The following DGKZ variants were observed in gnomAD, a reference collection of about 807,000 sequenced individuals.
The protein encoded by DGKZ is diacylglycerol kinase zeta.
A neutral mutation model predicts 142.5 loss-of-function variants in DGKZ; 45 were observed. The ratio of observed to expected loss-of-function variants is 0.32; its 90% CI spans 0.25 to 0.40. The LOEUF is 0.40. Among genes scored for constraint, DGKZ ranks in the 10% least tolerant of loss-of-function variants. The probability of loss-of-function intolerance (pLI) is 1.00; values close to 1 mark genes in which losing one functional copy is unlikely to be tolerated. For synonymous variants in DGKZ, 442 were observed against 527.0 expected (o/e 0.84, Z 2.21); for missense variants, 755 against 1,306.5 (o/e 0.58, Z 6.51).
chr11:46,345,510 C>T (rs546896437), upstream of DGKZ: 26 of 1,518,264 alleles, frequency 1.7e-5, no homozygotes, highest in South Asian at 1.7e-4. The surrounding 1 kb of genome is among the most constrained non-coding windows in gnomAD (Gnocchi z 4.1). Context: ...GGGGAGCGGC[C>T]GGGGTCACTG....
intron 1 of DGKZ, among the ~76,000 whole-genome samples, chr11:46,349,334 C>T (rs977617630): frequency 3.3e-5 from 5 of 152,278 alleles, no homozygotes; most frequent in South Asian, 4.1e-4. Flanking sequence ...TCACAGGCTC[C>T]GCAGGGGGAG....
At chr11:46,378,343 A>G in intron 26 of DGKZ, 114 bp downstream of exon 26, 1 of 1,539,670 alleles carries the variant, frequency 6.5e-7, no homozygotes, top group Non-Finnish European at 8.8e-7. Context: ...TTTGAGCTTC[A>G]CGCACCAACG....
intron 21 of DGKZ, 47 bp from the exon 22 acceptor site, chr11:46,376,019 A>G (rs1447980703): frequency 1.2e-6 from 2 of 1,611,716 alleles, no homozygotes; most frequent in African/African-American, 2.7e-5. Flanking sequence ...CCCCTTGGGC[A>G]GGGCTGTGGG....
rs1943396031 is a variant in DGKZ at position 46,367,085 on chromosome 11, G to C, written c.162-206G>C. 1 of 1,405,728 alleles carries C rather than the reference G, an allele frequency of 7.1e-7. No homozygotes were observed. The highest frequency in any genetic ancestry group is 2.5e-5 in the East Asian group (1 of 40,160). The allele number at this position is 1,405,728 out of a possible 1,614,324, so 87.1% of individuals were successfully genotyped here. The stretch of plus-strand genomic sequence containing the variant: ...CTGCCTGGCTGAGGGTTCCCCACTT[G>C]GGAACACTCTGGGCAGTACCCTGAA... On this transcript the variant is annotated intron_variant, in intron 1 of 30. Coordinates refer to ENST00000527911, the Ensembl canonical transcript of DGKZ. The surrounding 1 kb of genome is among the most constrained non-coding windows in gnomAD (Gnocchi z 4.1).
chr11:46,379,204 C>T (rs753619840), exon 29 of DGKZ: 6 of 1,613,058 alleles, frequency 3.7e-6, no homozygotes, highest in East Asian at 2.2e-5. Context: ...CTTCTCCAGC[C>T]CCCCCAGAGA....
chr11:46,370,401 C>G (rs191586450), intron 6 of DGKZ, among the ~76,000 whole-genome samples: 1 of 152,372 alleles, frequency 6.6e-6, no homozygotes, highest in African/African-American at 2.4e-5. Flanking sequence ...ACCGCCTAAC[C>G]CAGTCCACAG....
upstream of DGKZ, among the ~76,000 whole-genome samples, chr11:46,346,394 C>T (rs553283602): frequency 3.7e-4 from 41 of 109,354 alleles, no homozygotes; most frequent in African/African-American, 1.3e-3. Context: ...CTCCCTTCGT[C>T]AGCCCTGCGG....
chr11:46,372,722 A>T lies in DGKZ; in HGVS notation c.1071+45A>T. On this transcript the variant is annotated intron_variant, in intron 12 of 30. Transcript: ENST00000527911. The surrounding 1 kb of genome is among the most constrained non-coding windows in gnomAD (Gnocchi z 5.9). ...CAGCCGAGCACCAGGGCTGGGCCTG[A>T]AGCCGGGGTCCCTGTGGGCCTGATT... 6.2e-7 allele frequency: 1 copy of T among 1,611,694 alleles called. No individual in the cohort carries two copies. The highest frequency in any genetic ancestry group is 8.5e-7 in the Non-Finnish European group (1 of 1,179,034).
At chr11:46,336,390 C>A (rs1940018445) in intron 1 of DGKZ, among the ~76,000 whole-genome samples, 1 of 152,074 alleles carries the variant, frequency 6.6e-6, no homozygotes, top group African/African-American at 2.4e-5. Context: ...TGGGGTATGT[C>A]CTTGTTTGGT....
intron 29 of DGKZ, 84 bp downstream of exon 29, chr11:46,379,320 C>G (rs1377482717): frequency 6.3e-7 from 1 of 1,592,116 alleles, no homozygotes; most frequent in Non-Finnish European, 8.6e-7. Flanking sequence ...GGTCAGAGCC[C>G]ATAAACTTCC....
chr11:46,377,014 C>A, intron 24 of DGKZ, 59 bp from the exon 25 acceptor site: 1 of 1,489,492 alleles, frequency 6.7e-7, no homozygotes, highest in Non-Finnish European at 9.3e-7. Flanking sequence ...ACCAGCCTTG[C>A]TGCCCCTCGG....
At chr11:46,359,305 C>T (rs953928292) in intron 1 of DGKZ, among the ~76,000 whole-genome samples, 13 of 150,678 alleles carry the variant, frequency 8.6e-5, no homozygotes, top group Admixed American at 8.6e-4. Flanking sequence ...ATTAGCTGGG[C>T]ATGGTGGCCC....
At position 46,347,935 on chromosome 11, in the gene DGKZ, CG is replaced by C. The variant is rs1300710150; in HGVS notation, c.161+119del. On this transcript the variant is annotated intron_variant, in intron 1 of 30. Coordinates refer to ENST00000527911, the Ensembl canonical transcript of DGKZ. The surrounding 1 kb of genome is among the most constrained non-coding windows in gnomAD (Gnocchi z 6.4). Reference sequence around the variant, plus strand: ...GGCCACTTCGGTACTGACACTGAGTCGGGGAGAGGCTGGCACCGGCGGCACG... The same window carrying C: ...GGCCACTTCGGTACTGACACTGAGTCGGGAGAGGCTGGCACCGGCGGCACG... 1.6e-6 allele frequency: 2 copies of C among 1,229,848 alleles called. No homozygotes were observed. Among genetic ancestry groups the C allele is most frequent in the Non-Finnish European group, 2.0e-6 (2 of 978,910 alleles). 76.2% of individuals were successfully genotyped at this position (1,229,848 alleles called of 1,614,324 possible).
chr11:46,376,375 C>T (rs1186835906), exon 23 of DGKZ: 2 of 1,613,996 alleles, frequency 1.2e-6, no homozygotes, highest in African/African-American at 2.7e-5. Context: ...AGAAACTGTC[C>T]CCCAAGTGGT....
At chr11:46,371,717 C>T in exon 9 of DGKZ, 1 of 1,613,932 alleles carries the variant, frequency 6.2e-7, no homozygotes, top group South Asian at 1.1e-5. Context: ...ACTCTGAAAG[C>T]AAGCAAGAAG....
chr11:46,374,753 C>T lies in DGKZ; in HGVS notation c.1525-13C>T, dbSNP rs77541736. 44 of 1,612,564 alleles carry T rather than the reference C, an allele frequency of 2.7e-5. No individual in the cohort carries two copies. Among genetic ancestry groups the T allele is most frequent in the Non-Finnish European group, 3.5e-5 (41 of 1,179,304 alleles). ...GGCACATGCACCTCAACACCCTCCCCGCCCGCCTCCAGTGTGATGGAATGG... is the reference window on the plus strand; with the variant it reads ...GGCACATGCACCTCAACACCCTCCCTGCCCGCCTCCAGTGTGATGGAATGG... On this transcript the variant is annotated splice_polypyrimidine_tract_variant and intron_variant, in intron 17 of 30. Transcript: ENST00000527911.
intron 1 of DGKZ, chr11:46,361,532 C>T (rs531577339): frequency 7.2e-6 from 5 of 695,032 alleles, no homozygotes; most frequent in South Asian, 6.5e-5. Flanking sequence ...ATTTTCATAA[C>T]GGCTGTCTCA....
chr11:46,378,588 T>C, intron 27 of DGKZ, 88 bp downstream of exon 27: 1 of 1,540,026 alleles, frequency 6.5e-7, no homozygotes, highest in Non-Finnish European at 9.0e-7. Flanking sequence ...AGAGCTGACC[T>C]GCTCAGGTGC....
At chr11:46,336,753 C>T (rs887847812) in intron 1 of DGKZ, among the ~76,000 whole-genome samples, 3 of 152,106 alleles carry the variant, frequency 2.0e-5, no homozygotes, top group Admixed American at 1.3e-4. Context: ...TGGGGTTTCG[C>T]CGTGTTGCCA....
Sources: allele counts gnomAD v4.1 joint callset (sites outside exome capture counted in the v4.1 genomes callset), GRCh38; gene constraint gnomAD v4.1.1; non-coding constraint Gnocchi (gnomAD v3.1); transcripts MANE v1.5; gene names NCBI Gene and HGNC (gene_info 2026-07-23, HGNC 2026-07-21).